Variants in NAALADL2 observed in about 807,000 individuals in gnomAD.
The protein encoded by NAALADL2 is inactive N-acetylated-alpha-linked acidic dipeptidase-like protein 2.
Under a neutral mutation model 87.2 loss-of-function variants are expected in NAALADL2, and 76 were observed. That is an observed-to-expected ratio of 0.87 (90% CI 0.72 to 1.05). The LOEUF (loss-of-function observed/expected upper bound fraction) is 1.05, where lower values mean the gene tolerates loss of function less well. NAALADL2 is among the 50% of genes least tolerant of loss of function. NAALADL2 has a pLI of 0.00. For synonymous variants in NAALADL2, 354 were observed against 331.0 expected (o/e 1.07, Z -0.75); for missense variants, 1,089 against 945.8 (o/e 1.15, Z -1.99).
At chr3:175,473,957 G>A (rs1458350467) in intron 9 of NAALADL2, among the ~76,000 whole-genome samples, 1 of 152,110 alleles carries the variant, frequency 6.6e-6, no homozygotes, top group Non-Finnish European at 1.5e-5. Flanking sequence ...TAGATTTACT[G>A]TTAGTTCTTT....
chr3:174,516,282 G>GAA (rs1719929929), intron 1 of NAALADL2, among the ~76,000 whole-genome samples: 1 of 151,850 alleles, frequency 6.6e-6, no homozygotes, highest in Non-Finnish European at 1.5e-5. Flanking sequence ...AATCTTCGTT[G>GAA]TTCAGATATC....
intron 2 of NAALADL2, among the ~76,000 whole-genome samples, chr3:175,136,793 A>T (rs991249048): frequency 2.0e-5 from 3 of 152,172 alleles, no homozygotes; most frequent in Non-Finnish European, 2.9e-5. Context: ...TGTGATTACC[A>T]TCTTTGACGG....
chr3:174,783,349 C>T (rs1161626426), intron 3 of NAALADL2, among the ~76,000 whole-genome samples: 1 of 152,062 alleles, frequency 6.6e-6, no homozygotes, highest in East Asian at 1.9e-4. Context: ...CTGTTACAAG[C>T]GTATCCCGAT....
chr3:175,472,726 A>C (rs901340956), intron 9 of NAALADL2, among the ~76,000 whole-genome samples: 3 of 152,190 alleles, frequency 2.0e-5, no homozygotes, highest in African/African-American at 7.2e-5. Context: ...TATGTAGTAC[A>C]ATAAAGAAGA....
At chr3:174,578,929 G>A (rs771192539) in intron 2 of NAALADL2, among the ~76,000 whole-genome samples, 18 of 151,896 alleles carry the variant, frequency 1.2e-4, no homozygotes, top group Non-Finnish European at 2.1e-4. Flanking sequence ...ATCATCTTAC[G>A]AAAGAAAAAA....
intron 2 of NAALADL2, among the ~76,000 whole-genome samples, chr3:175,216,668 C>CTTTTTTTTTTTTTTTTTTTTTTTT (rs3067029): frequency 1.1e-5 from 1 of 87,344 alleles, no homozygotes; most frequent in Non-Finnish European, 2.5e-5. Flanking sequence ...TTTTTCTTTT[C>CTTTTTTTTTTTTTTTTTTTTTTTT]TTTTTTTTTT....
At position 175,809,002 on chromosome 3, in the gene NAALADL2, T is replaced by C. The variant is rs541457889; in HGVS notation, c.*5799T>C. The C allele has an allele frequency of 6.6e-6, 1 of 152,124 alleles. No homozygotes were observed. Among genetic ancestry groups the C allele is most frequent in the East Asian group, 1.9e-4 (1 of 5,164 alleles). The allele number at this position is 152,124 out of a possible 1,614,324, so 9.4% of individuals were successfully genotyped here. On this transcript the variant is annotated 3_prime_UTR_variant, in exon 14 of 14. Coordinates refer to ENST00000454872, the MANE Select transcript of NAALADL2 (RefSeq NM_207015.3). The stretch of plus-strand genomic sequence containing the variant: ...ACTCATATGGTCATTACTTGGTAAG[T>C]GTTTTATATTTTGAATTTCTTAGAT...
rs749071526 is a variant in NAALADL2 at position 175,755,336 on chromosome 3, A to G, written c.2107A>G (p.Ile703Val). ...PANDPKERAP[I>V]RIRMLNDILQ... ...TAATGATCCCAAGGAGAGAGCACCC[A>G]TCCGCATCCGGATGCTGAATGACAT... Residue 703 changes from isoleucine (I) to valine (V), a missense_variant, in exon 13 of 14, where the codon ATC (isoleucine) becomes GTC (valine). By Grantham distance (29) the Ile-to-Val change is conservative. Transcript: ENST00000454872. 1 of 1,613,284 alleles carries G rather than the reference A, an allele frequency of 6.2e-7. No individual in the cohort carries two copies. Among genetic ancestry groups the G allele is most frequent in the African/African-American group, 1.3e-5 (1 of 74,904 alleles).
intron 2 of NAALADL2, among the ~76,000 whole-genome samples, chr3:175,159,019 A>C (rs1424986962): frequency 1.3e-5 from 2 of 152,166 alleles, no homozygotes; most frequent in Non-Finnish European, 2.9e-5. Context: ...TGATTTTTTA[A>C]GTTTTAGAAA....
chr3:174,800,836 C>G (rs1367391849), intron 3 of NAALADL2, among the ~76,000 whole-genome samples: 1 of 152,204 alleles, frequency 6.6e-6, no homozygotes, highest in Non-Finnish European at 1.5e-5. Context: ...GGATGAGAGA[C>G]ATGGAGTCAA....
At chr3:175,043,041 C>T (rs1019282454) in intron 1 of NAALADL2, among the ~76,000 whole-genome samples, 68 of 152,112 alleles carry the variant, frequency 4.5e-4, no homozygotes, top group African/African-American at 1.6e-3. Context: ...TGGAAGCTGC[C>T]TGAGGCCCTC....
chr3:175,378,469 G>A (rs370765221), intron 5 of NAALADL2, among the ~76,000 whole-genome samples: 4 of 152,226 alleles, frequency 2.6e-5, no homozygotes, highest in African/African-American at 7.2e-5. Context: ...AACCTCAGTA[G>A]TCTTTCACTT....
At chr3:174,974,340 T>G (rs988655775) in intron 1 of NAALADL2, among the ~76,000 whole-genome samples, 14 of 152,318 alleles carry the variant, frequency 9.2e-5, no homozygotes, top group African/African-American at 3.1e-4. Context: ...CTTTTAATTG[T>G]TTTAATTTGC....
intron 2 of NAALADL2, among the ~76,000 whole-genome samples, chr3:175,108,594 G>A (rs1723641252): frequency 6.6e-6 from 1 of 151,854 alleles, no homozygotes; most frequent in African/African-American, 2.4e-5. Flanking sequence ...ACTCTATTCT[G>A]TAGGGAAAAA....
Position 174,627,338 on chromosome 3 carries a change from A to G in NAALADL2, c.-115+76701A>G, listed in dbSNP as rs80123717. Among the ~76,000 whole-genome samples, 1,188 of 152,322 alleles carry G rather than the reference A, an allele frequency of 7.8e-3. 16 individuals are homozygous for G. Among genetic ancestry groups the G allele is most frequent in the African/African-American group, 0.027 (1,121 of 41,584 alleles). On this transcript the variant is annotated intron_variant, in intron 2 of 3. Transcript: ENST00000434257. ...GCCAAGAAATATGAAAAAAAAGTTC[A>G]GCATCTCTAATCATCAGAGGAATGC...
At chr3:175,386,111 C>T (rs1257065712) in intron 5 of NAALADL2, among the ~76,000 whole-genome samples, 1 of 151,986 alleles carries the variant, frequency 6.6e-6, no homozygotes, top group Non-Finnish European at 1.5e-5. Context: ...ACAACTGAGG[C>T]TAAAACTCTA....
chr3:175,474,672 C>T (rs527605134), intron 9 of NAALADL2, among the ~76,000 whole-genome samples: 1 of 152,252 alleles, frequency 6.6e-6, no homozygotes, highest in East Asian at 1.9e-4. Context: ...GTCACGCTCT[C>T]AGCATCACAC....
chr3:175,435,730 C>T (rs1038009800), intron 5 of NAALADL2, among the ~76,000 whole-genome samples: 10 of 151,838 alleles, frequency 6.6e-5, no homozygotes, highest in Non-Finnish European at 1.2e-4. Flanking sequence ...TATTTTTAAT[C>T]ATGGGGAAAG....
chr3:175,129,091 C>G (rs1580599899), intron 2 of NAALADL2, among the ~76,000 whole-genome samples: 1 of 143,680 alleles, frequency 7.0e-6, no homozygotes, highest in Non-Finnish European at 1.5e-5. Context: ...GGTGTGCACC[C>G]CTATGCCTGG....
Sources: allele counts gnomAD v4.1 joint callset (sites outside exome capture counted in the v4.1 genomes callset), GRCh38; gene constraint gnomAD v4.1.1; transcripts MANE v1.5; gene names NCBI Gene and HGNC (gene_info 2026-07-23, HGNC 2026-07-21).